Variants in PCDH9 observed in about 807,000 individuals in gnomAD.
The protein encoded by PCDH9 is protocadherin-9.
In PCDH9, 24 loss-of-function variants were observed where a neutral mutation model predicts 70.6. The observed-to-expected ratio is 0.34, with a 90% CI of 0.25 to 0.48. The LOEUF (loss-of-function observed/expected upper bound fraction) is 0.48, where lower values mean the gene tolerates loss of function less well. Ranked by LOEUF, PCDH9 falls within the 20% of genes least tolerant of loss-of-function variation. The pLI, the probability that PCDH9 is intolerant of heterozygous loss-of-function variation, is 0.99. For synonymous variants in PCDH9, 562 were observed against 558.5 expected (o/e 1.01, Z -0.09); for missense variants, 1,281 against 1,503.6 (o/e 0.85, Z 2.45).
chr13:66,414,192 C>G (rs1593939291), intron 4 of PCDH9, among the ~76,000 whole-genome samples: 2 of 152,158 alleles, frequency 1.3e-5, no homozygotes, highest in East Asian at 3.9e-4. Flanking sequence ...CAATTTGGAA[C>G]AGATTTGATC....
Position 67,197,487 on chromosome 13 carries a change from A to G in PCDH9, c.3036+27918T>C, listed in dbSNP as rs187068006. Among the ~76,000 whole-genome samples, 1,249 of 152,136 alleles carry G rather than the reference A, an allele frequency of 8.2e-3. 18 individuals are homozygous for G. Among genetic ancestry groups the G allele is most frequent in the South Asian group, 0.043 (209 of 4,832 alleles). ...TATTAAGAGTTGCATTGAGAGCCCA[A>G]TAACTTTTTATTTGGTTGTTACTCA... On this transcript the variant is annotated intron_variant, in intron 2 of 4. Coordinates refer to ENST00000377865, the MANE Select transcript of PCDH9 (RefSeq NM_203487.3).
At chr13:66,765,086 C>CTT (rs1415062507) in intron 3 of PCDH9, among the ~76,000 whole-genome samples, 3 of 150,404 alleles carry the variant, frequency 2.0e-5, no homozygotes, top group South Asian at 2.1e-4. Context: ...GTCTGTCTCT[C>CTT]TCTCTCTCTC....
chr13:67,141,766 AAG>A (rs200409557), intron 2 of PCDH9, among the ~76,000 whole-genome samples: 32,904 of 149,700 alleles, frequency 0.22, 4,390 homozygotes, highest in Non-Finnish European at 0.29. Context: ...AAAAAAAAAA[AAG>A]AAGTTGGGAA....
rs1438063066 is a variant in PCDH9 at position 67,202,843 on chromosome 13, C to T, written c.3036+22562G>A. 8 of 152,050 alleles carry T rather than the reference C, an allele frequency of 5.3e-5. No individual in the cohort carries two copies. The East Asian group carries it at 1.5e-3, about 29-fold the overall frequency. The allele number at this position is 152,050 out of a possible 1,614,324, so 9.4% of individuals were successfully genotyped here. A position where few individuals can be genotyped will look rare whatever the true frequency, so the allele number is the denominator to read the frequency against. ...GTGTTCATTTTGTCCATATTTGCAT[C>T]AGGGTTGTATGTGTGTGTGCTGTGT... On this transcript the variant is annotated intron_variant, in intron 2 of 4. Coordinates refer to ENST00000377865, the MANE Select transcript of PCDH9 (RefSeq NM_203487.3).
At chr13:66,979,675 C>G (rs2083698109) in intron 2 of PCDH9, among the ~76,000 whole-genome samples, 1 of 152,088 alleles carries the variant, frequency 6.6e-6, no homozygotes, top group Admixed American at 6.5e-5. Context: ...GTCCAAAATT[C>G]TTGAAACAGC....
At chr13:66,927,217 T>C (rs1038801264) in intron 2 of PCDH9, among the ~76,000 whole-genome samples, 5 of 151,884 alleles carry the variant, frequency 3.3e-5, no homozygotes, top group Non-Finnish European at 7.4e-5. Context: ...AAAAAACAAA[T>C]AAAAATGAAT....
intron 2 of PCDH9, among the ~76,000 whole-genome samples, chr13:66,937,062 G>T (rs2082928045): frequency 6.6e-6 from 1 of 152,080 alleles, no homozygotes; most frequent in South Asian, 2.1e-4. Flanking sequence ...CATCGTTATG[G>T]TTCTCAATAT....
At chr13:66,365,927 C>A (rs1169657405) in intron 4 of PCDH9, among the ~76,000 whole-genome samples, 4 of 151,958 alleles carry the variant, frequency 2.6e-5, no homozygotes, top group African/African-American at 4.8e-5. Context: ...TATTATAAAA[C>A]AAATGTAACT....
chr13:67,053,682 A>G (rs1198653713), intron 2 of PCDH9, among the ~76,000 whole-genome samples: 1 of 152,194 alleles, frequency 6.6e-6, no homozygotes, highest in East Asian at 1.9e-4. Context: ...CTGGTAGAAT[A>G]AGGTGTATGA....
intron 3 of PCDH9, among the ~76,000 whole-genome samples, chr13:66,752,923 G>A (rs2079483078): frequency 6.6e-6 from 1 of 152,166 alleles, no homozygotes; most frequent in Admixed American, 6.6e-5. Context: ...TCAGCCATAT[G>A]TTTAATTTTA....
chr13:66,716,574 A>G (rs1040181640), intron 3 of PCDH9, among the ~76,000 whole-genome samples: 1 of 152,170 alleles, frequency 6.6e-6, no homozygotes, highest in African/African-American at 2.4e-5. Context: ...AGATGGATTC[A>G]TCTCACATTA....
chr13:66,388,378 A>G (rs539105174), intron 4 of PCDH9, among the ~76,000 whole-genome samples: 12 of 152,304 alleles, frequency 7.9e-5, no homozygotes, highest in African/African-American at 2.4e-4. Flanking sequence ...TATAGATTTC[A>G]CAGTGACTTT....
intron 2 of PCDH9, among the ~76,000 whole-genome samples, chr13:67,200,583 A>C (rs772075377): frequency 1.3e-5 from 2 of 152,130 alleles, no homozygotes; most frequent in Non-Finnish European, 2.9e-5. Context: ...AAAGTAATGT[A>C]CTGCAAACTT....
rs1260662741 is a variant in PCDH9 at position 66,485,870 on chromosome 13, AC to A, written c.3340+145339del. On this transcript the variant is annotated intron_variant, in intron 4 of 4. Coordinates refer to ENST00000377865, the MANE Select transcript of PCDH9 (RefSeq NM_203487.3). ...GATTCTCATGTAGCTGGGATTACAG[AC>A]ATGCACCACCACGTCTGGCTAATTT... Among the ~76,000 whole-genome samples the A allele has an allele frequency of 4.0e-5, 6 of 151,602 alleles. No homozygotes were observed. In the East Asian group the frequency reaches 9.7e-4, roughly 25 times the overall value.
At chr13:66,691,466 T>C (rs2078484571) in intron 3 of PCDH9, among the ~76,000 whole-genome samples, 1 of 152,222 alleles carries the variant, frequency 6.6e-6, no homozygotes, top group African/African-American at 2.4e-5. Context: ...TCCAATGTAT[T>C]GTCAAAATAT....
At chr13:66,615,420 T>G (rs1321581653) in intron 4 of PCDH9, among the ~76,000 whole-genome samples, 9 of 152,224 alleles carry the variant, frequency 5.9e-5, no homozygotes, top group African/African-American at 2.2e-4. Flanking sequence ...GTTGTTATCT[T>G]AAGTTATTGT....
chr13:66,509,646 T>G (rs1464969730), intron 4 of PCDH9, among the ~76,000 whole-genome samples: 2 of 152,044 alleles, frequency 1.3e-5, no homozygotes, highest in Non-Finnish European at 2.9e-5. Flanking sequence ...AGAGACAAGG[T>G]CTCATTATGT....
intron 2 of PCDH9, among the ~76,000 whole-genome samples, chr13:66,969,060 C>T (rs1018726077): frequency 5.9e-5 from 9 of 151,972 alleles, no homozygotes; most frequent in African/African-American, 2.2e-4. Context: ...GAAAGACTGT[C>T]AAAAGCCATA....
intron 3 of PCDH9, among the ~76,000 whole-genome samples, chr13:66,770,556 C>T (rs796662332): frequency 1.3e-5 from 2 of 152,252 alleles, no homozygotes; most frequent in Admixed American, 6.5e-5. Flanking sequence ...GGGCCTCCTG[C>T]CCTCCAACTT....
Sources: allele counts gnomAD v4.1 joint callset (sites outside exome capture counted in the v4.1 genomes callset), GRCh38; gene constraint gnomAD v4.1.1; transcripts MANE v1.5; gene names NCBI Gene and HGNC (gene_info 2026-07-23, HGNC 2026-07-21).